FRMPD4: variants seen among roughly 807,000 people sequenced by gnomAD.
FRMPD4 encodes FERM and PDZ domain containing 4.
A neutral mutation model predicts 94.1 loss-of-function variants in FRMPD4; 22 were observed. The ratio of observed to expected loss-of-function variants is 0.23; its 90% CI spans 0.17 to 0.33. The LOEUF (loss-of-function observed/expected upper bound fraction) is 0.33. Among genes scored for constraint, FRMPD4 ranks in the 10% least tolerant of loss-of-function variants. The probability of loss-of-function intolerance (pLI) is 1.00; values close to 1 mark genes in which losing one functional copy is unlikely to be tolerated. For missense variants in FRMPD4, 1,111 were observed against 1,339.9 expected, an observed-to-expected ratio of 0.83 and a Z score of 2.67; for synonymous variants, 631 against 548.6, an observed-to-expected ratio of 1.15 and a Z score of -2.10.
chrX:12,626,416 A>G (rs1163819877), intron 4 of FRMPD4, among the ~76,000 whole-genome samples: 1 of 108,133 alleles, frequency 9.2e-6, no homozygotes, highest in Non-Finnish European at 1.9e-5. Context: ...AAATTCTGAA[A>G]GCAGCAAGAA....
intron 1 of FRMPD4, among the ~76,000 whole-genome samples, chrX:12,458,284 A>G (rs763324096): frequency 8.9e-6 from 1 of 111,865 alleles, no homozygotes; most frequent in Non-Finnish European, 1.9e-5. Flanking sequence ...TCTGCAGACT[A>G]TTGCTGTAAT....
At chrX:12,610,405 G>A (rs1042783979) in intron 3 of FRMPD4, among the ~76,000 whole-genome samples, 5 of 112,588 alleles carry the variant, frequency 4.4e-5, no homozygotes, top group Admixed American at 9.3e-5. Context: ...GGCTTGAGAC[G>A]TGCTTGTGCA....
At chrX:12,487,546 G>A (rs1237632786) in intron 1 of FRMPD4, among the ~76,000 whole-genome samples, 1 of 111,991 alleles carries the variant, frequency 8.9e-6, no homozygotes, top group Admixed American at 9.5e-5. Flanking sequence ...AAGAGTAGTA[G>A]GGAGGCCCTG....
intron 1 of FRMPD4, among the ~76,000 whole-genome samples, chrX:12,140,439 A>G (rs1424173020): frequency 1.8e-5 from 2 of 112,346 alleles, no homozygotes; most frequent in Non-Finnish European, 3.8e-5. Flanking sequence ...CCACTATTCT[A>G]TTAACTTCCT....
intron 3 of FRMPD4, among the ~76,000 whole-genome samples, chrX:12,112,716 AATAT>A (rs2055376355): frequency 9.0e-6 from 1 of 111,692 alleles, no homozygotes; most frequent in African/African-American, 3.3e-5. Context: ...TTAAATATAA[AATAT>A]ATACTTTTTA....
At chrX:12,305,725 G>GTTTTTTTTTGTTTGTTTTTT (rs563804861) in intron 1 of FRMPD4, among the ~76,000 whole-genome samples, 1 of 59,721 alleles carries the variant, frequency 1.7e-5, no homozygotes, top group African/African-American at 7.6e-5. Flanking sequence ...AGCTGGCTAA[G>GTTTTTTTTTGTTTGTTTTTT]TTTTTTTTTT....
chrX:12,560,895 A>G (rs529097444), intron 2 of FRMPD4, among the ~76,000 whole-genome samples: 9 of 95,693 alleles, frequency 9.4e-5, no homozygotes, highest in South Asian at 5.3e-4. Flanking sequence ...TCAGCCTCCC[A>G]AGTAGCTGGG....
intron 3 of FRMPD4, among the ~76,000 whole-genome samples, chrX:12,130,693 C>T (rs1007962468): frequency 1.8e-5 from 2 of 110,950 alleles, no homozygotes; most frequent in Admixed American, 9.6e-5. Flanking sequence ...AGTTCACCCT[C>T]ATAATAGTCT....
chrX:12,567,018 A>G (rs745659183), intron 2 of FRMPD4, among the ~76,000 whole-genome samples: 1 of 111,292 alleles, frequency 9.0e-6, no homozygotes, highest in African/African-American at 3.3e-5. Flanking sequence ...ATTTCAATAT[A>G]ATTTTCCCAC....
At chrX:12,167,176 T>G (rs1257660824) in intron 1 of FRMPD4, among the ~76,000 whole-genome samples, 1 of 112,150 alleles carries the variant, frequency 8.9e-6, no homozygotes, top group Non-Finnish European at 1.9e-5. Context: ...TCCTGCTTTC[T>G]CTCGTGGGCA....
chrX:12,643,533 C>T (rs1285917241), intron 4 of FRMPD4, among the ~76,000 whole-genome samples: 1 of 111,758 alleles, frequency 8.9e-6, no homozygotes, highest in Non-Finnish European at 1.9e-5. Context: ...TGAAAGAGTC[C>T]AGATAGGAAA....
chrX:12,580,055 T>TA (rs1324956925), intron 2 of FRMPD4, among the ~76,000 whole-genome samples: 1 of 111,555 alleles, frequency 9.0e-6, no homozygotes, highest in Non-Finnish European at 1.9e-5. Context: ...CTGGACAAAA[T>TA]AAAAAATATT....
At chrX:12,388,593 A>T (rs1601886881) in intron 1 of FRMPD4, among the ~76,000 whole-genome samples, 1 of 99,355 alleles carries the variant, frequency 1.0e-5, no homozygotes, top group Admixed American at 1.1e-4. Context: ...TGACAGTGAG[A>T]CTCCATCTCA....
At chrX:11,945,034 G>T (rs950612476) in intron 3 of FRMPD4, among the ~76,000 whole-genome samples, 5 of 111,984 alleles carry the variant, frequency 4.5e-5, no homozygotes, top group Admixed American at 3.8e-4. Flanking sequence ...TAAAGCCCAG[G>T]CCCCACCCTA....
chrX:12,127,112 C>A (rs763277424), intron 3 of FRMPD4, among the ~76,000 whole-genome samples: 4 of 112,167 alleles, frequency 3.6e-5, no homozygotes, highest in Non-Finnish European at 7.5e-5. Flanking sequence ...AATTGAAATA[C>A]TTGTTCATTC....
At chrX:12,042,658 C>G (rs932651103) in intron 3 of FRMPD4, among the ~76,000 whole-genome samples, 1 of 111,275 alleles carries the variant, frequency 9.0e-6, no homozygotes, top group African/African-American at 3.3e-5. Context: ...CTCCACTGGG[C>G]CCTTTCATTT....
At chrX:12,400,556 T>C (rs773380048) in intron 1 of FRMPD4, among the ~76,000 whole-genome samples, 18 of 112,195 alleles carry the variant, frequency 1.6e-4, no homozygotes, top group African/African-American at 5.2e-4. Context: ...TTTGAAAATA[T>C]TACTTTCTTG....
intron 3 of FRMPD4, among the ~76,000 whole-genome samples, chrX:12,043,788 A>G (rs1309813879): frequency 8.9e-6 from 1 of 112,228 alleles, no homozygotes; most frequent in Admixed American, 9.4e-5. Flanking sequence ...GTAATAGAAG[A>G]ATATACATAT....
intron 4 of FRMPD4, among the ~76,000 whole-genome samples, chrX:12,624,619 C>T (rs1031967373): frequency 9.0e-6 from 1 of 111,096 alleles, no homozygotes; most frequent in African/African-American, 3.3e-5. Flanking sequence ...AAAGGCACTA[C>T]AAAACAGCCT....
Sources: allele counts gnomAD v4.1 joint callset (sites outside exome capture counted in the v4.1 genomes callset), GRCh38; gene constraint gnomAD v4.1.1; transcripts MANE v1.5; gene names NCBI Gene and HGNC (gene_info 2026-07-23, HGNC 2026-07-21).